The following NEDD4 variants were observed in gnomAD, a reference collection of about 807,000 sequenced individuals.
NEDD4 encodes NEDD4 E3 ubiquitin protein ligase.
In NEDD4, 99 loss-of-function variants were observed where a neutral mutation model predicts 144.9. That is an observed-to-expected ratio of 0.68 (90% CI 0.58 to 0.81). The LOEUF is 0.81. Ranked by LOEUF, NEDD4 falls within the 30% of genes least tolerant of loss-of-function variation. The probability of loss-of-function intolerance (pLI) is 0.00; values close to 1 mark genes in which losing one functional copy is unlikely to be tolerated. For missense variants in NEDD4, 985 were observed against 1,065.9 expected, an observed-to-expected ratio of 0.92 and a Z score of 1.06; for synonymous variants, 318 against 350.6, an observed-to-expected ratio of 0.91 and a Z score of 1.04.
At chr15:55,839,991 A>AT (rs2033401369) in intron 21 of NEDD4, among the ~76,000 whole-genome samples, 1 of 56,780 alleles carries the variant, frequency 1.8e-5, no homozygotes, top group Non-Finnish European at 3.2e-5. Context: ...AAAAAAAAAA[A>AT]AAAAAAAAAT....
At chr15:55,927,077 C>CAAAAAAA (rs57940091) in intron 4 of NEDD4, among the ~76,000 whole-genome samples, 122 of 70,542 alleles carry the variant, frequency 1.7e-3, no homozygotes, top group Non-Finnish European at 2.1e-3. Context: ...GACTACGTCT[C>CAAAAAAA]AAAAAAAAAA....
chr15:55,915,400 T>C (rs1309873166), intron 5 of NEDD4: 2 of 1,613,812 alleles, frequency 1.2e-6, no homozygotes, highest in Non-Finnish European at 1.7e-6. Context: ...GGTCCCCCTT[T>C]AGAACAATTG....
At chr15:55,946,676 C>A (rs59912282) in intron 4 of NEDD4, among the ~76,000 whole-genome samples, 1 of 151,970 alleles carries the variant, frequency 6.6e-6, no homozygotes, top group African/African-American at 2.4e-5. Context: ...ATCTACAGAA[C>A]TCTCCACCCC....
rs1303376961 is a variant in NEDD4 at position 55,856,140 on chromosome 15, T to G, written c.1017A>C (p.Thr339=). Residue 339 remains threonine, a synonymous_variant, in exon 12 of 29, where the codon ACA becomes ACC. Coordinates refer to ENST00000435532, the MANE Select transcript of NEDD4 (RefSeq NM_006154.4). ...LQAYTFEEQP[T]LPVLLPTSSG... Reference sequence around the variant, plus strand: ...AGAGGGTAAAACTCACCACAGGAAGTGTAGGTTGTTCCTCAAAAGTATAGG... The same window carrying G: ...AGAGGGTAAAACTCACCACAGGAAGGGTAGGTTGTTCCTCAAAAGTATAGG... The G allele has an allele frequency of 8.1e-6, 13 of 1,612,676 alleles. No individual in the cohort carries two copies. Among genetic ancestry groups the G allele is most frequent in the Non-Finnish European group, 1.0e-5 (12 of 1,179,114 alleles).
chr15:55,951,519 T>C lies in NEDD4; in HGVS notation c.190A>G (p.Ile64Val). 2.6e-6 allele frequency: 4 copies of C among 1,531,060 alleles called. No homozygotes were observed. The highest frequency in any genetic ancestry group is 3.5e-6 in the Non-Finnish European group (4 of 1,140,378). The allele number at this position is 1,531,060 out of a possible 1,614,324, so 94.8% of individuals were successfully genotyped here. The change falls in exon 3 of 29, where the codon ATT (isoleucine) becomes GTT (valine). Residue 64 changes from isoleucine (I) to valine (V), a missense_variant. Transcript: ENST00000435532. The stretch of plus-strand genomic sequence containing the variant: ...ATATTGCTAAGTCTAACCTTTTTAA[T>C]GGTTTTTGTTTGCACACTTGTAAGA... ...GVLTSVQTKT[I>V]KKSLNPKWNE... is the part of the protein sequence containing the mutation.
chr15:55,910,409 C>T (rs2036233629), intron 5 of NEDD4, among the ~76,000 whole-genome samples: 1 of 152,096 alleles, frequency 6.6e-6, no homozygotes, highest in Non-Finnish European at 1.5e-5. Flanking sequence ...ACCTTTCACC[C>T]ATGCCTCTAT....
chr15:55,939,088 A>G (rs2036946532), intron 4 of NEDD4, among the ~76,000 whole-genome samples: 2 of 149,616 alleles, frequency 1.3e-5, no homozygotes, highest in African/African-American at 2.5e-5. Flanking sequence ...CCTGGATAAT[A>G]GAGTGAGACC....
intron 4 of NEDD4, among the ~76,000 whole-genome samples, chr15:55,942,536 T>C (rs1317951805): frequency 6.6e-6 from 1 of 152,186 alleles, no homozygotes. Context: ...CTCCTCCTTC[T>C]CTGGCCATGT....
intron 6 of NEDD4, among the ~76,000 whole-genome samples, chr15:55,873,641 T>A (rs1163914771): frequency 2.0e-5 from 3 of 152,238 alleles, no homozygotes; most frequent in Non-Finnish European, 4.4e-5. Context: ...ATCTTAGTTT[T>A]CTTCTGTGAG....
At position 55,856,158 on chromosome 15, in the gene NEDD4, A is replaced by T; in HGVS notation, c.999T>A (p.Thr333=). ...CAGGAAGTGTAGGTTGTTCCTCAAA[A>T]GTATAGGCTTGTAAGCTGCCTCTTC... ...SSRRGSLQAY[T]FEEQPTLPVL... The change falls in exon 12 of 29, where the codon ACT becomes ACA. Residue 333 remains threonine, a synonymous_variant. Coordinates refer to ENST00000435532, the MANE Select transcript of NEDD4 (RefSeq NM_006154.4). The T allele has an allele frequency of 6.2e-7, 1 of 1,612,714 alleles. No homozygotes were observed. Among genetic ancestry groups the T allele is most frequent in the Non-Finnish European group, 8.5e-7 (1 of 1,179,596 alleles).
chr15:55,975,969 A>G (rs143393003), intron 1 of NEDD4, among the ~76,000 whole-genome samples: 354 of 152,362 alleles, frequency 2.3e-3, no homozygotes, highest in African/African-American at 8.1e-3. Context: ...ACCCAGAAGT[A>G]AATCTATACA....
intron 10 of NEDD4, 32 bp downstream of exon 10, chr15:55,860,629 T>C (rs1363152215): frequency 1.2e-6 from 2 of 1,613,612 alleles, no homozygotes; most frequent in African/African-American, 2.7e-5. Flanking sequence ...ATAGCATGTG[T>C]CTTTCAAGGA....
chr15:55,944,956 A>G (rs1223071462), intron 4 of NEDD4, among the ~76,000 whole-genome samples: 2 of 152,216 alleles, frequency 1.3e-5, no homozygotes, highest in Non-Finnish European at 2.9e-5. Flanking sequence ...ACACAAAGGA[A>G]TAGCATCAAC....
intron 2 of NEDD4, among the ~76,000 whole-genome samples, chr15:55,957,607 C>T (rs188875997): frequency 1.6e-4 from 24 of 152,210 alleles, no homozygotes; most frequent in African/African-American, 4.8e-4. Context: ...TTTGACCCAG[C>T]GATCCCATTA....
At chr15:55,905,840 G>A (rs1650636290) in intron 5 of NEDD4, among the ~76,000 whole-genome samples, 1 of 152,058 alleles carries the variant, frequency 6.6e-6, no homozygotes, top group African/African-American at 2.4e-5. Flanking sequence ...TCACTCTGAT[G>A]GTAGCTTCTT....
intron 5 of NEDD4, among the ~76,000 whole-genome samples, chr15:55,885,533 TA>T (rs1296005505): frequency 2.5e-4 from 38 of 150,760 alleles, no homozygotes; most frequent in South Asian, 8.4e-4. Flanking sequence ...TAAATAGAAA[TA>T]AAAAAAAAGC....
At chr15:55,975,640 C>T (rs2037686396) in intron 1 of NEDD4, among the ~76,000 whole-genome samples, 1 of 147,854 alleles carries the variant, frequency 6.8e-6, no homozygotes, top group Non-Finnish European at 1.5e-5. Context: ...AAAAAAAAAA[C>T]AAAAGGGAAA....
At chr15:55,883,765 TGA>T (rs1198177023) in intron 5 of NEDD4, among the ~76,000 whole-genome samples, 15 of 151,386 alleles carry the variant, frequency 9.9e-5, no homozygotes, top group Non-Finnish European at 4.4e-5. Context: ...TATTTGTGTG[TGA>T]GAGAGAGAGA....
intron 12 of NEDD4, among the ~76,000 whole-genome samples, chr15:55,854,136 A>C (rs2034101849): frequency 6.6e-6 from 1 of 152,096 alleles, no homozygotes; most frequent in African/African-American, 2.4e-5. Flanking sequence ...ACAACAGAGC[A>C]AGACTCCATC....
Sources: gnomAD v4.1 joint callset for allele counts (sites outside exome capture counted in the v4.1 genomes callset) on GRCh38, gnomAD v4.1.1 for gene constraint, MANE v1.5 for transcripts, NCBI Gene and HGNC (gene_info 2026-07-23, HGNC 2026-07-21) for gene names.